The following ROBO1 variants were observed in gnomAD, a reference collection of about 807,000 sequenced individuals.
ROBO1 encodes roundabout guidance receptor 1.
ROBO1 carries 149 observed loss-of-function variants against 195.9 expected under a neutral mutation model. The ratio of observed to expected loss-of-function variants is 0.76; its 90% CI spans 0.67 to 0.87. ROBO1 has a LOEUF of 0.87. ROBO1 is among the 40% of genes least tolerant of loss of function. The probability of loss-of-function intolerance (pLI) is 0.00; values close to 1 mark genes in which losing one functional copy is unlikely to be tolerated. For synonymous variants in ROBO1, 816 were observed against 733.2 expected, an observed-to-expected ratio of 1.11 and a Z score of -1.82; for missense variants, 1,933 against 2,068.3, an observed-to-expected ratio of 0.93 and a Z score of 1.27.
chr3:79,592,944 C>T (rs914754494), intron 1 of ROBO1, among the ~76,000 whole-genome samples: 1 of 152,036 alleles, frequency 6.6e-6, no homozygotes, highest in African/African-American at 2.4e-5. Context: ...TTTGTTATCT[C>T]CATAGTTCTG....
chr3:79,529,461 A>T (rs1377350072), intron 2 of ROBO1, among the ~76,000 whole-genome samples: 1 of 152,224 alleles, frequency 6.6e-6, no homozygotes, highest in African/African-American at 2.4e-5. Flanking sequence ...TGGGCGACAG[A>T]GTGAGACCCT....
intron 4 of ROBO1, among the ~76,000 whole-genome samples, chr3:78,759,741 C>T (rs1306644985): frequency 6.6e-6 from 1 of 152,108 alleles, no homozygotes; most frequent in Non-Finnish European, 1.5e-5. Context: ...AAATAAGGAA[C>T]TGTGGAACAT....
chr3:79,505,554 G>A (rs1030844077), intron 2 of ROBO1, among the ~76,000 whole-genome samples: 17 of 152,158 alleles, frequency 1.1e-4, no homozygotes, highest in African/African-American at 4.1e-4. Flanking sequence ...GTCTATTTTA[G>A]CATCTGAAAA....
At chr3:79,393,444 T>C (rs2037029017) in intron 2 of ROBO1, among the ~76,000 whole-genome samples, 1 of 152,216 alleles carries the variant, frequency 6.6e-6, no homozygotes, top group African/African-American at 2.4e-5. Flanking sequence ...AATTAATCTG[T>C]GTAGTTTGAA....
intron 2 of ROBO1, among the ~76,000 whole-genome samples, chr3:79,288,750 T>C (rs1224477598): frequency 6.6e-6 from 1 of 152,200 alleles, no homozygotes; most frequent in Admixed American, 6.5e-5. Flanking sequence ...CACTGAGTAT[T>C]TTATTTCTCC....
intron 25 of ROBO1, among the ~76,000 whole-genome samples, chr3:78,629,651 C>CAAAA (rs56771081): frequency 7.7e-6 from 1 of 130,318 alleles, no homozygotes; most frequent in African/African-American, 3.0e-5. Flanking sequence ...AAAAACAAAA[C>CAAAA]CAAACCAACC....
intron 10 of ROBO1, among the ~76,000 whole-genome samples, chr3:78,676,930 G>T (rs1056787311): frequency 6.6e-6 from 1 of 152,146 alleles, no homozygotes; most frequent in African/African-American, 2.4e-5. Flanking sequence ...AGAGAGAAAG[G>T]TCAGGTTACC....
chr3:79,566,903 C>T (rs1484638106), intron 2 of ROBO1, among the ~76,000 whole-genome samples: 2 of 152,026 alleles, frequency 1.3e-5, no homozygotes, highest in African/African-American at 2.4e-5. Flanking sequence ...GACAGAAATA[C>T]CGTTCAACCC....
intron 2 of ROBO1, among the ~76,000 whole-genome samples, chr3:79,248,396 AAG>A (rs1491045856): frequency 6.7e-6 from 1 of 149,984 alleles, no homozygotes; most frequent in Non-Finnish European, 1.5e-5. Context: ...AAAAAAAAAA[AAG>A]AGAGAGAGAG....
chr3:79,652,804 CAA>C (rs1421234352), intron 1 of ROBO1, among the ~76,000 whole-genome samples: 1 of 151,916 alleles, frequency 6.6e-6, no homozygotes, highest in Non-Finnish European at 1.5e-5. Flanking sequence ...CCACAGGAAA[CAA>C]AGACTTCTGT....
At chr3:78,925,876 C>CT (rs533952105) in intron 4 of ROBO1, among the ~76,000 whole-genome samples, 132 of 146,100 alleles carry the variant, frequency 9.0e-4, no homozygotes, top group Admixed American at 1.0e-3. Flanking sequence ...GCAAAATGTA[C>CT]TTTTTTTTTT....
intron 2 of ROBO1, among the ~76,000 whole-genome samples, chr3:79,491,330 C>T (rs1400320166): frequency 1.3e-5 from 2 of 151,590 alleles, no homozygotes; most frequent in African/African-American, 4.8e-5. Context: ...TAATTGATTA[C>T]TCCAGCATCT....
At chr3:78,975,708 T>C (rs946682809) in intron 3 of ROBO1, among the ~76,000 whole-genome samples, 3 of 152,172 alleles carry the variant, frequency 2.0e-5, no homozygotes, top group African/African-American at 4.8e-5. Context: ...ATGAGCAATG[T>C]TGAGGTCAAG....
chr3:78,703,128 G>A (rs1024007071), intron 8 of ROBO1, among the ~76,000 whole-genome samples: 1 of 152,042 alleles, frequency 6.6e-6, no homozygotes, highest in Non-Finnish European at 1.5e-5. Context: ...CAGTCGTTAG[G>A]GTTACAATGG....
intron 2 of ROBO1, among the ~76,000 whole-genome samples, chr3:79,567,055 A>G (rs1244361388): frequency 1.3e-5 from 2 of 152,188 alleles, no homozygotes; most frequent in African/African-American, 4.8e-5. Flanking sequence ...TATCTAGACC[A>G]TGGAATACTA....
rs544772676 is a variant in ROBO1, at chr3:79,668,423, GC to G, written c.-50-78463del. ...TAGATTATAAATAAGTCTCTGTGAA[GC>G]AAAAAAAAAAACAGTGAAAGAATAA... On this transcript the variant is annotated intron_variant, in intron 1 of 30. Transcript: ENST00000464233. 8.8e-4 allele frequency among the ~76,000 whole-genome samples: 28 copies of G among 31,662 alleles called. No individual in the cohort carries two copies. In the East Asian group the frequency reaches 0.03, roughly 34 times the overall value. 20.8% of individuals were successfully genotyped at this position (31,662 alleles called of 152,430 possible).
intron 3 of ROBO1, among the ~76,000 whole-genome samples, chr3:79,093,786 C>T (rs1340396570): frequency 2.0e-5 from 3 of 152,020 alleles, no homozygotes; most frequent in African/African-American, 7.2e-5. Flanking sequence ...ATTTAACATG[C>T]TCCCCAGATG....
At chr3:78,683,380 T>A (rs1179824059) in intron 10 of ROBO1, among the ~76,000 whole-genome samples, 1 of 152,040 alleles carries the variant, frequency 6.6e-6, no homozygotes, top group Non-Finnish European at 1.5e-5. Flanking sequence ...TTTTGTTTGT[T>A]TAGGGAGTGG....
chr3:79,211,700 A>G (rs376246788), intron 2 of ROBO1, among the ~76,000 whole-genome samples: 2 of 152,192 alleles, frequency 1.3e-5, no homozygotes, highest in African/African-American at 4.8e-5. Flanking sequence ...AGGCATTTTG[A>G]GTTGCTTCAG....
Sources: allele counts gnomAD v4.1 joint callset (sites outside exome capture counted in the v4.1 genomes callset), GRCh38; gene constraint gnomAD v4.1.1; transcripts MANE v1.5; gene names NCBI Gene and HGNC (gene_info 2026-07-23, HGNC 2026-07-21).